SPAG17: variants seen among roughly 807,000 people sequenced by gnomAD.
SPAG17 encodes sperm-associated antigen 17.
A neutral mutation model predicts 273.6 loss-of-function variants in SPAG17; 169 were observed. The ratio of observed to expected loss-of-function variants is 0.62; its 90% CI spans 0.55 to 0.70. The LOEUF is 0.70. Among genes scored for constraint, SPAG17 ranks in the 30% least tolerant of loss-of-function variants. The pLI, the probability that SPAG17 is intolerant of heterozygous loss-of-function variation, is 0.00. For missense variants in SPAG17, 2,557 were observed against 2,627.8 expected, an observed-to-expected ratio of 0.97 and a Z score of 0.59; for synonymous variants, 825 against 873.2, an observed-to-expected ratio of 0.94 and a Z score of 0.97.
intron 4 of SPAG17, among the ~76,000 whole-genome samples, chr1:118,107,637 G>A (rs924377028): frequency 7.9e-5 from 12 of 152,206 alleles, no homozygotes; most frequent in African/African-American, 2.6e-4. Flanking sequence ...TGGGACAACA[G>A]CTGCATGCCA....
At chr1:118,058,617 C>T (rs1651954566) in intron 18 of SPAG17, among the ~76,000 whole-genome samples, 1 of 152,186 alleles carries the variant, frequency 6.6e-6, no homozygotes, top group South Asian at 2.1e-4. Flanking sequence ...ATGACTTTTA[C>T]AAGTGGTTGT....
At chr1:117,969,306 C>T (rs534392766) in intron 46 of SPAG17, among the ~76,000 whole-genome samples, 133 of 152,020 alleles carry the variant, frequency 8.7e-4, no homozygotes, top group African/African-American at 2.8e-3. Flanking sequence ...CTTGGTTGGG[C>T]GCAGTGGCTC....
Position 118,071,644 on chromosome 1 carries a change from C to CA in SPAG17, c.2385+2209dup, listed in dbSNP as rs558432440. Among the ~76,000 whole-genome samples, 116 of 149,126 alleles carry CA rather than the reference C, an allele frequency of 7.8e-4. 4 individuals carry two copies. In the South Asian group the frequency reaches 0.015, roughly 19 times the overall value. On this transcript the variant is annotated intron_variant, in intron 17 of 48. Coordinates refer to ENST00000336338, the MANE Select transcript of SPAG17 (RefSeq NM_206996.4). ...TGGGCGACACAGCGAGACATCATCT[C>CA]AAAAAAAAGAAAAAGTGAAATGATT... is the stretch of plus-strand genomic sequence containing the variant.
At chr1:118,148,788 C>T (rs576608282) in intron 3 of SPAG17, among the ~76,000 whole-genome samples, 116 of 152,272 alleles carry the variant, frequency 7.6e-4, no homozygotes, top group Non-Finnish European at 1.4e-3. Flanking sequence ...ACTTTCTGGG[C>T]CTATTCCATG....
At chr1:118,077,882 C>T (rs1654233403) in intron 15 of SPAG17, among the ~76,000 whole-genome samples, 1 of 152,148 alleles carries the variant, frequency 6.6e-6, no homozygotes, top group East Asian at 1.9e-4. Context: ...CAGGAAGCTG[C>T]AAGACACAGT....
chr1:118,173,538 T>A (rs74113560), intron 1 of SPAG17, among the ~76,000 whole-genome samples: 144 of 152,130 alleles, frequency 9.5e-4, no homozygotes, highest in African/African-American at 3.4e-3. Context: ...AATGGCACAC[T>A]CATGGATGCC....
chr1:118,102,237 C>G (rs754560622), intron 4 of SPAG17, among the ~76,000 whole-genome samples: 1 of 152,070 alleles, frequency 6.6e-6, no homozygotes, highest in African/African-American at 2.4e-5. Context: ...GAAGGCAGGG[C>G]GGGAAGATAA....
In SPAG17 at chr1:118,073,235, C is replaced by A. The variant is rs1653775336; in HGVS notation, c.2385+619G>T. The stretch of plus-strand genomic sequence containing the variant: ...TGGTTAAGAGTACAAGTTCCAGGGC[C>A]AGATTTCCTGGGTTTATATCTAGCT... On this transcript the variant is annotated intron_variant, in intron 17 of 48. Coordinates refer to ENST00000336338, the MANE Select transcript of SPAG17 (RefSeq NM_206996.4). Among the ~76,000 whole-genome samples, 5 of 152,128 alleles carry A rather than the reference C, an allele frequency of 3.3e-5. No homozygotes were observed. In the South Asian group the frequency reaches 1.0e-3, roughly 32 times the overall value.
intron 43 of SPAG17, among the ~76,000 whole-genome samples, chr1:117,974,344 G>A (rs1466605438): frequency 6.6e-6 from 1 of 152,066 alleles, no homozygotes; most frequent in East Asian, 1.9e-4. Context: ...ACCGTATAAG[G>A]TGGGCAGTAC....
At chr1:118,146,856 T>C (rs1659024402) in intron 3 of SPAG17, among the ~76,000 whole-genome samples, 1 of 152,184 alleles carries the variant, frequency 6.6e-6, no homozygotes, top group Non-Finnish European at 1.5e-5. Context: ...CCTTTTAGAA[T>C]TGTGATGTGG....
At chr1:118,100,456 A>G (rs1314701800) in intron 5 of SPAG17, among the ~76,000 whole-genome samples, 1 of 152,218 alleles carries the variant, frequency 6.6e-6, no homozygotes, top group Non-Finnish European at 1.5e-5. Flanking sequence ...TCTGCAGGGT[A>G]AGAATAATTG....
intron 17 of SPAG17, 64 bp from the exon 18 acceptor site, chr1:118,066,963 C>T (rs1397831646): frequency 6.8e-7 from 1 of 1,470,522 alleles, no homozygotes. Context: ...GGGTCTCCTA[C>T]TAGGGCATTT....
At chr1:118,054,746 G>T (rs1228966828) in intron 19 of SPAG17, among the ~76,000 whole-genome samples, 3 of 151,494 alleles carry the variant, frequency 2.0e-5, no homozygotes, top group Non-Finnish European at 4.4e-5. Context: ...TTTTTGGGGG[G>T]TACTTAATGC....
intron 43 of SPAG17, among the ~76,000 whole-genome samples, chr1:117,980,091 T>C (rs1277537385): frequency 6.6e-6 from 1 of 152,212 alleles, no homozygotes; most frequent in Admixed American, 6.5e-5. Flanking sequence ...CTCATTACTA[T>C]TGTATATCCA....
At chr1:118,088,796 G>A (rs1207928458) in intron 10 of SPAG17, among the ~76,000 whole-genome samples, 1 of 152,082 alleles carries the variant, frequency 6.6e-6, no homozygotes, top group Non-Finnish European at 1.5e-5. Flanking sequence ...AATTCCCAAA[G>A]GGATAAAATT....
At chr1:117,997,787 G>C (rs899301649) in intron 32 of SPAG17, among the ~76,000 whole-genome samples, 2 of 152,038 alleles carry the variant, frequency 1.3e-5, no homozygotes, top group African/African-American at 2.4e-5. Context: ...TTTATAAAAC[G>C]ACATTGAAAT....
At chr1:118,146,642 G>T (rs1659008170) in intron 3 of SPAG17, among the ~76,000 whole-genome samples, 1 of 152,052 alleles carries the variant, frequency 6.6e-6, no homozygotes, top group Non-Finnish European at 1.5e-5. Flanking sequence ...TTCTTAGAAT[G>T]CCCTCTTCCA....
At chr1:118,179,344 C>T (rs748693315) in intron 1 of SPAG17, among the ~76,000 whole-genome samples, 7 of 151,892 alleles carry the variant, frequency 4.6e-5, no homozygotes, top group Non-Finnish European at 7.4e-5. Context: ...AGGACAGTCT[C>T]TTCAATAAAT....
chr1:118,105,661 T>C (rs1656350735), intron 4 of SPAG17, among the ~76,000 whole-genome samples: 1 of 152,018 alleles, frequency 6.6e-6, no homozygotes. Flanking sequence ...GATATTGGAT[T>C]ATGAGTAAGA....
Sources: allele counts gnomAD v4.1 joint callset (sites outside exome capture counted in the v4.1 genomes callset), GRCh38; gene constraint gnomAD v4.1.1; transcripts MANE v1.5; gene names NCBI Gene and HGNC (gene_info 2026-07-23, HGNC 2026-07-21).